MYO16: variants seen among roughly 807,000 people sequenced by gnomAD.
The protein encoded by MYO16 is unconventional myosin-XVI.
A neutral mutation model predicts 205.3 loss-of-function variants in MYO16; 94 were observed. That is an observed-to-expected ratio of 0.46 (90% CI 0.39 to 0.54). The LOEUF (loss-of-function observed/expected upper bound fraction) is 0.54, where lower values mean the gene tolerates loss of function less well. Ranked by LOEUF, MYO16 falls within the 20% of genes least tolerant of loss-of-function variation. The pLI, the probability that MYO16 is intolerant of heterozygous loss-of-function variation, is 0.00. For missense variants in MYO16, 2,315 were observed against 2,387.5 expected, an observed-to-expected ratio of 0.97 and a Z score of 0.63; for synonymous variants, 988 against 954.0, an observed-to-expected ratio of 1.04 and a Z score of -0.66.
chr13:108,700,924 C>G (rs1883282976), intron 2 of MYO16, among the ~76,000 whole-genome samples: 1 of 152,066 alleles, frequency 6.6e-6, no homozygotes, highest in South Asian at 2.1e-4. Flanking sequence ...AGGCTTTGCA[C>G]AAATAGGAAG....
chr13:109,053,467 C>T (rs1011443225), intron 25 of MYO16, among the ~76,000 whole-genome samples: 5 of 151,920 alleles, frequency 3.3e-5, no homozygotes, highest in African/African-American at 7.3e-5. Context: ...CAAGCTTATC[C>T]TTATAAGAAA....
chr13:108,844,689 C>A (rs1877425932), intron 10 of MYO16, among the ~76,000 whole-genome samples, 196 bp downstream of exon 10: 1 of 146,248 alleles, frequency 6.8e-6, no homozygotes, highest in Non-Finnish European at 1.5e-5. Flanking sequence ...TGCTATTGTG[C>A]TTTACAATTT....
At chr13:109,159,973 C>T (rs1337020156) in intron 32 of MYO16, among the ~76,000 whole-genome samples, 1 of 152,216 alleles carries the variant, frequency 6.6e-6, no homozygotes, top group Non-Finnish European at 1.5e-5. Flanking sequence ...TCGGGAATGA[C>T]ATGATCCGAC....
intron 2 of MYO16, among the ~76,000 whole-genome samples, chr13:108,700,809 C>T (rs556182375): frequency 1.3e-5 from 2 of 152,254 alleles, no homozygotes; most frequent in South Asian, 4.2e-4. Context: ...CGAAAAACTG[C>T]AATGTGTTCC....
At chr13:109,149,865 G>A (rs189997897) in intron 32 of MYO16, among the ~76,000 whole-genome samples, 111 of 152,192 alleles carry the variant, frequency 7.3e-4, no homozygotes, top group Admixed American at 1.8e-3. Flanking sequence ...CTCACTTTCC[G>A]TTTCTCTTTT....
At chr13:108,733,135 T>G (rs1884577584) in intron 4 of MYO16, among the ~76,000 whole-genome samples, 3 of 152,298 alleles carry the variant, frequency 2.0e-5, no homozygotes, top group African/African-American at 7.2e-5. Context: ...AGCAGAGACA[T>G]GTGAGTGTGT....
Position 108,717,524 on chromosome 13 carries a change from G to A in MYO16, c.363+4793G>A, listed in dbSNP as rs540437271. On this transcript the variant is annotated intron_variant, in intron 3 of 34. Transcript: ENST00000457511. The stretch of plus-strand genomic sequence containing the variant: ...GGGCGCCTGTAATCCCAGCTACTTG[G>A]GAGGCTGAGGAAGGAGAATGTTGTG... 7.8e-4 allele frequency among the ~76,000 whole-genome samples: 119 copies of A among 151,784 alleles called. 1 individual carries two copies. The highest frequency in any genetic ancestry group is 2.8e-3 in the African/African-American group (117 of 41,332).
chr13:109,046,072 T>G (rs117899133), intron 23 of MYO16, among the ~76,000 whole-genome samples: 5,203 of 152,108 alleles, frequency 0.034, 133 homozygotes, highest in South Asian at 0.056. Context: ...CCCTCATGGC[T>G]GATGCTCACC....
intron 34 of MYO16, among the ~76,000 whole-genome samples, chr13:109,205,343 G>C (rs945982776): frequency 5.3e-5 from 8 of 152,172 alleles, no homozygotes; most frequent in African/African-American, 1.9e-4. Context: ...TCAGGTGTTG[G>C]TGTTAGAATT....
intron 16 of MYO16, among the ~76,000 whole-genome samples, chr13:108,926,535 CG>C (rs1281128467): frequency 4.0e-5 from 6 of 151,848 alleles, no homozygotes; most frequent in Non-Finnish European, 7.4e-5. Context: ...AAGCAGGGGT[CG>C]GGAGCCAGCC....
At chr13:108,674,647 A>G (rs1249276525) in intron 2 of MYO16, among the ~76,000 whole-genome samples, 1 of 152,242 alleles carries the variant, frequency 6.6e-6, no homozygotes, top group African/African-American at 2.4e-5. Context: ...CAAATCTACT[A>G]GGAACATGAC....
intron 23 of MYO16, among the ~76,000 whole-genome samples, chr13:109,043,282 T>A (rs1886937364): frequency 6.6e-6 from 1 of 152,178 alleles, no homozygotes; most frequent in Admixed American, 6.5e-5. Context: ...CTGAAGACAC[T>A]TGGTAGCAGT....
At chr13:109,100,756 T>A (rs1594086157) in intron 27 of MYO16, 29 bp from the exon 28 acceptor site, 3 of 1,559,560 alleles carry the variant, frequency 1.9e-6, no homozygotes, top group Non-Finnish European at 2.6e-6. Context: ...AATGCAGTCA[T>A]TGCTTTCTGT....
At chr13:109,153,615 C>A (rs7985027) in intron 32 of MYO16, among the ~76,000 whole-genome samples, 28,857 of 151,930 alleles carry the variant, frequency 0.19, 2,864 homozygotes, top group African/African-American at 0.25. Context: ...AAAAAGTAGC[C>A]GGGCATGGTG....
At chr13:109,205,923 A>G (rs1197222173) in intron 34 of MYO16, among the ~76,000 whole-genome samples, 1 of 152,236 alleles carries the variant, frequency 6.6e-6, no homozygotes, top group East Asian at 1.9e-4. Flanking sequence ...CACCAAATAG[A>G]GCAGGCAGGT....
the MYO16 span, among the ~76,000 whole-genome samples, chr13:108,517,388 A>G: frequency 6.6e-5 from 10 of 152,212 alleles, no homozygotes; most frequent in African/African-American, 2.4e-4. Flanking sequence ...CTGACAGGTT[A>G]ACATTTCAGG....
At chr13:108,623,013 G>A (rs1045593565) in intron 1 of MYO16, among the ~76,000 whole-genome samples, 1 of 152,088 alleles carries the variant, frequency 6.6e-6, no homozygotes, top group East Asian at 1.9e-4. Context: ...TTTTCTCTTG[G>A]AGAAGAAAAG....
At chr13:108,849,617 T>TG (rs1566368062) in intron 10 of MYO16, among the ~76,000 whole-genome samples, 739 of 71,482 alleles carry the variant, frequency 0.01, 26 homozygotes, top group Non-Finnish European at 0.014. Flanking sequence ...GAATTTCCTC[T>TG]TTTGTGTGTG....
chr13:108,647,261 A>T (rs1328652879), intron 1 of MYO16, among the ~76,000 whole-genome samples: 1 of 151,992 alleles, frequency 6.6e-6, no homozygotes, highest in Non-Finnish European at 1.5e-5. Flanking sequence ...GTTCGAACTC[A>T]GACTCTCCTA....
Sources: gnomAD v4.1 joint callset for allele counts (sites outside exome capture counted in the v4.1 genomes callset) on GRCh38, gnomAD v4.1.1 for gene constraint, MANE v1.5 for transcripts, NCBI Gene and HGNC (gene_info 2026-07-23, HGNC 2026-07-21) for gene names.